Variants in RASSF8 observed in about 807,000 individuals in gnomAD.
RASSF8 encodes ras association domain-containing protein 8.
Under a neutral mutation model 48.5 loss-of-function variants are expected in RASSF8, and 22 were observed. The observed-to-expected ratio is 0.45, with a 90% CI of 0.32 to 0.65. RASSF8 has a LOEUF of 0.65. Ranked by LOEUF, RASSF8 falls within the 30% of genes least tolerant of loss-of-function variation. RASSF8 has a pLI of 0.03. For missense variants in RASSF8, 418 were observed against 489.2 expected, an observed-to-expected ratio of 0.85 and a Z score of 1.37; for synonymous variants, 127 against 171.5, an observed-to-expected ratio of 0.74 and a Z score of 2.03.
intron 2 of RASSF8, among the ~76,000 whole-genome samples, chr12:26,025,323 C>G (rs1431929276): frequency 6.6e-6 from 1 of 151,930 alleles, no homozygotes; most frequent in Non-Finnish European, 1.5e-5. Context: ...TTTGGGAAGC[C>G]GAGGCGGGCA....
chr12:26,013,858 G>A (rs530811462), intron 2 of RASSF8, among the ~76,000 whole-genome samples: 2 of 152,286 alleles, frequency 1.3e-5, no homozygotes, highest in East Asian at 1.9e-4. Flanking sequence ...TCTTCGTAGT[G>A]TAATTACCAG....
At chr12:25,998,585 G>A (rs879842021) in intron 2 of RASSF8, among the ~76,000 whole-genome samples, 1 of 152,122 alleles carries the variant, frequency 6.6e-6, no homozygotes, top group Admixed American at 6.6e-5. Flanking sequence ...TTGACCTCAT[G>A]TTCCGCCCAC....
In RASSF8 at chr12:25,981,649, G is replaced by T. The variant is rs116178683; in HGVS notation, c.-202-13388G>T. ...ATGTTAATATGATTTGTAGTTGCTG[G>T]TCCCTTTCTCATAGAGGTGGAATGA... On this transcript the variant is annotated intron_variant, in intron 1 of 5. Coordinates refer to ENST00000689635, the MANE Select transcript of RASSF8 (RefSeq NM_001394098.1). Among the ~76,000 whole-genome samples the T allele has an allele frequency of 6.0e-3, 913 of 152,312 alleles. 5 individuals are homozygous for T. The highest frequency in any genetic ancestry group is 0.02 in the African/African-American group (851 of 41,564).
chr12:26,028,804 A>G (rs761174349), intron 2 of RASSF8, among the ~76,000 whole-genome samples: 2 of 152,136 alleles, frequency 1.3e-5, no homozygotes, highest in Admixed American at 6.5e-5. Flanking sequence ...GAGGAAGAGT[A>G]TTTGCTGAGT....
At chr12:26,040,514 C>T (rs1323991124) in intron 2 of RASSF8, among the ~76,000 whole-genome samples, 1 of 152,164 alleles carries the variant, frequency 6.6e-6, no homozygotes, top group African/African-American at 2.4e-5. Flanking sequence ...TTCTGACGGG[C>T]TTGTGCCACA....
rs746767434 is a variant in RASSF8 at position 26,065,381 on chromosome 12, C to T, written c.987C>T (p.Arg329=). 10 of 1,609,200 alleles carry T rather than the reference C, an allele frequency of 6.2e-6. No individual in the cohort carries two copies. Among genetic ancestry groups the T allele is most frequent in the South Asian group, 1.1e-5 (1 of 90,168 alleles). ...GATCTCTTGGACAAGCCACCAAACGCTTACAGGTAGGGACACTTTGATAAA... is the reference window on the plus strand; with the variant it reads ...GATCTCTTGGACAAGCCACCAAACGTTTACAGGTAGGGACACTTTGATAAA... ...VERSLGQATK[R]LQDKEQELEQ... The change falls in exon 4 of 6, where the codon CGC becomes CGT. Residue 329 remains arginine, a synonymous_variant. Coordinates refer to ENST00000689635, the MANE Select transcript of RASSF8 (RefSeq NM_001394098.1).
chr12:26,043,422 G>A lies in RASSF8; in HGVS notation c.-108-11814G>A, dbSNP rs116309213. On this transcript the variant is annotated intron_variant, in intron 2 of 5. Coordinates refer to ENST00000689635, the MANE Select transcript of RASSF8 (RefSeq NM_001394098.1). ...AAGGGGTAGCACATCAGTAACCTGC[G>A]CAGAGTTTGGATTTTATCCTGAAGG... Among the ~76,000 whole-genome samples the A allele has an allele frequency of 2.7e-3, 411 of 152,306 alleles. 3 individuals are homozygous for A. The highest frequency in any genetic ancestry group is 9.6e-3 in the African/African-American group (401 of 41,568).
chr12:25,970,632 A>G (rs1353436996), intron 1 of RASSF8, among the ~76,000 whole-genome samples: 3 of 152,018 alleles, frequency 2.0e-5, no homozygotes, highest in Non-Finnish European at 4.4e-5. Context: ...TAAAAGCCCA[A>G]CCCTCAGTGC....
intron 1 of RASSF8, among the ~76,000 whole-genome samples, chr12:25,982,993 T>A (rs946256062): frequency 6.6e-6 from 1 of 152,190 alleles, no homozygotes; most frequent in Admixed American, 6.5e-5. Flanking sequence ...TGCAGGTCCT[T>A]TTTGGAGGAA....
chr12:26,051,702 A>G (rs925452094), intron 2 of RASSF8, among the ~76,000 whole-genome samples: 5 of 152,180 alleles, frequency 3.3e-5, no homozygotes, highest in Non-Finnish European at 5.9e-5. Flanking sequence ...CTCTATTTCA[A>G]AGTCACAGAC....
Position 25,962,180 on chromosome 12 carries a change from CTACA to C in RASSF8, c.-203+3034_-203+3037del, listed in dbSNP as rs201689984. 4.3e-3 allele frequency among the ~76,000 whole-genome samples: 653 copies of C among 152,292 alleles called. 7 individuals carry two copies. The highest frequency in any genetic ancestry group is 0.015 in the African/African-American group (624 of 41,550). ...TTCAGGATCCTGCATGATTTGATCTCTACATCCACTTGCATCTCTTGCTGTCATC... is the reference window on the plus strand; with the variant it reads ...TTCAGGATCCTGCATGATTTGATCTCTCCACTTGCATCTCTTGCTGTCATC... On this transcript the variant is annotated intron_variant, in intron 1 of 5. Coordinates refer to ENST00000689635, the MANE Select transcript of RASSF8 (RefSeq NM_001394098.1).
At chr12:25,984,705 G>A (rs556790978) in intron 1 of RASSF8, among the ~76,000 whole-genome samples, 1 of 152,258 alleles carries the variant, frequency 6.6e-6, no homozygotes, top group Admixed American at 6.5e-5. Flanking sequence ...ACCTTTTAGT[G>A]GAGGACAAGA....
At chr12:26,078,088 T>C (rs1263477038) in intron 5 of RASSF8, among the ~76,000 whole-genome samples, 3 of 152,202 alleles carry the variant, frequency 2.0e-5, no homozygotes, top group African/African-American at 7.2e-5. Flanking sequence ...AAACAAGTTT[T>C]CACTGAGTCA....
At chr12:26,009,747 T>C (rs909853001) in intron 2 of RASSF8, among the ~76,000 whole-genome samples, 2 of 152,168 alleles carry the variant, frequency 1.3e-5, no homozygotes, top group African/African-American at 2.4e-5. Flanking sequence ...CTGACCCTTA[T>C]ATTTAGCAAG....
intron 2 of RASSF8, among the ~76,000 whole-genome samples, chr12:25,997,519 A>G (rs1942160857): frequency 6.6e-6 from 1 of 152,102 alleles, no homozygotes; most frequent in South Asian, 2.1e-4. Context: ...TGTAGATTTA[A>G]TGGAATTATT....
chr12:26,010,723 C>T (rs568787506), intron 2 of RASSF8, among the ~76,000 whole-genome samples: 1 of 152,200 alleles, frequency 6.6e-6, no homozygotes, highest in East Asian at 1.9e-4. Context: ...GAAAGGAATG[C>T]TTCTGGGCTG....
At chr12:26,077,972 G>A (rs1213475323) in intron 5 of RASSF8, among the ~76,000 whole-genome samples, 3 of 152,306 alleles carry the variant, frequency 2.0e-5, no homozygotes, top group African/African-American at 7.2e-5. Flanking sequence ...GGTCAAAATC[G>A]AGGTTAATTT....
chr12:26,074,952 T>C (rs1341080276), downstream of RASSF8, among the ~76,000 whole-genome samples: 2 of 152,116 alleles, frequency 1.3e-5, no homozygotes, highest in Admixed American at 1.3e-4. Flanking sequence ...AGCGTGGAAA[T>C]TAAATGATTA....
downstream of RASSF8, among the ~76,000 whole-genome samples, chr12:26,074,235 A>G (rs547782218): frequency 1.3e-5 from 2 of 152,346 alleles, no homozygotes; most frequent in South Asian, 2.1e-4. Flanking sequence ...GTGGAGTCCT[A>G]TAAAATGGGC....
Sources: allele counts gnomAD v4.1 joint callset (sites outside exome capture counted in the v4.1 genomes callset), GRCh38; gene constraint gnomAD v4.1.1; transcripts MANE v1.5; gene names NCBI Gene and HGNC (gene_info 2026-07-23, HGNC 2026-07-21).